Variants in EYS observed in about 807,000 individuals in gnomAD.
The protein encoded by EYS is EGF-like photoreceptor maintenance factor.
Under a neutral mutation model 282.1 loss-of-function variants are expected in EYS, and 250 were observed. That is an observed-to-expected ratio of 0.89 (90% CI 0.80 to 0.98). The LOEUF (loss-of-function observed/expected upper bound fraction) is 0.98. EYS is among the 50% of genes least tolerant of loss of function. The pLI, the probability that EYS is intolerant of heterozygous loss-of-function variation, is 0.00. For missense variants in EYS, 4,016 were observed against 3,709.0 expected (o/e 1.08, Z -2.15); for synonymous variants, 1,355 against 1,282.9 (o/e 1.06, Z -1.20).
chr6:64,945,981 A>T, intron 14 of EYS, 67 bp from the exon 15 acceptor site: 1 of 1,207,426 alleles, frequency 8.3e-7, no homozygotes. Context: ...TACAGATATT[A>T]CTCCTGGCCA....
intron 31 of EYS, among the ~76,000 whole-genome samples, chr6:64,225,511 A>G (rs1354590149): frequency 2.6e-5 from 4 of 152,160 alleles, no homozygotes; most frequent in African/African-American, 4.8e-5. Context: ...GAGAGATACA[A>G]TATGAGAAAA....
At chr6:65,467,031 A>C (rs1765027240) in intron 5 of EYS, among the ~76,000 whole-genome samples, 1 of 152,176 alleles carries the variant, frequency 6.6e-6, no homozygotes, top group African/African-American at 2.4e-5. Flanking sequence ...AAAGTAATTC[A>C]GGTTTTTGCC....
chr6:64,661,929 C>A (rs7454590), intron 22 of EYS, among the ~76,000 whole-genome samples: 91,165 of 145,028 alleles, frequency 0.63, 28,893 homozygotes, highest in African/African-American at 0.7. Flanking sequence ...AAGACACATG[C>A]ACACGTATGT....
At chr6:65,321,040 C>T (rs6455036) in intron 11 of EYS, among the ~76,000 whole-genome samples, 83,003 of 151,974 alleles carry the variant, frequency 0.55, 24,454 homozygotes, top group East Asian at 0.9. Context: ...ATATACTAAA[C>T]GCTAAACATT....
At chr6:65,295,285 G>A (rs1262164341) in intron 12 of EYS, among the ~76,000 whole-genome samples, 1 of 151,896 alleles carries the variant, frequency 6.6e-6, no homozygotes, top group African/African-American at 2.4e-5. Flanking sequence ...AAAAATGTCA[G>A]GTAATTAAAT....
At chr6:64,754,344 G>A (rs1375089675) in intron 22 of EYS, among the ~76,000 whole-genome samples, 2 of 151,702 alleles carry the variant, frequency 1.3e-5, no homozygotes, top group Non-Finnish European at 2.9e-5. Flanking sequence ...AATAGAATTA[G>A]TAATTTAAAC....
intron 19 of EYS, among the ~76,000 whole-genome samples, chr6:64,852,488 G>A (rs1765916365): frequency 6.6e-6 from 1 of 152,034 alleles, no homozygotes; most frequent in Admixed American, 6.6e-5. Context: ...AGCCTATTGT[G>A]GGACATTGTG....
intron 29 of EYS, among the ~76,000 whole-genome samples, chr6:64,361,690 A>AT (rs1004563854): frequency 3.2e-4 from 48 of 151,588 alleles, no homozygotes; most frequent in Non-Finnish European, 6.4e-4. Context: ...TAACAATTGC[A>AT]TTTTTTTTCT....
At chr6:64,258,312 A>C (rs1010779446) in intron 30 of EYS, among the ~76,000 whole-genome samples, 1 of 152,082 alleles carries the variant, frequency 6.6e-6, no homozygotes, top group Non-Finnish European at 1.5e-5. Flanking sequence ...GCAGTAGCAA[A>C]GTACAGAGCA....
intron 19 of EYS, among the ~76,000 whole-genome samples, chr6:64,864,287 T>G (rs1350329190): frequency 6.6e-6 from 1 of 151,512 alleles, no homozygotes; most frequent in East Asian, 1.9e-4. Context: ...TAGATTTATA[T>G]TAAAAGAGAG....
intron 22 of EYS, among the ~76,000 whole-genome samples, chr6:64,761,715 A>G (rs1472098101): frequency 1.3e-5 from 2 of 152,166 alleles, no homozygotes; most frequent in Non-Finnish European, 2.9e-5. Context: ...TCGGCCTCCC[A>G]AAGTGCTGGG....
Position 64,552,748 on chromosome 6 carries a change from A to T in EYS, c.5644+37475T>A, listed in dbSNP as rs189193678. On this transcript the variant is annotated intron_variant, in intron 26 of 42. Coordinates refer to ENST00000503581, the MANE Select transcript of EYS (RefSeq NM_001142800.2). ...GCCAACATGGTGAACCCCCCCCACC[A>T]TCTCTACTAAACATAAAAAAATTAG... is the stretch of plus-strand genomic sequence containing the variant. Among the ~76,000 whole-genome samples the T allele has an allele frequency of 1.6e-3, 227 of 141,590 alleles. 2 individuals carry two copies. The highest frequency in any genetic ancestry group is 5.6e-3 in the African/African-American group (210 of 37,632). 92.9% of individuals were successfully genotyped at this position (141,590 alleles called of 152,430 possible). A position where few individuals can be genotyped will look rare whatever the true frequency, so the allele number is the denominator to read the frequency against.
At chr6:64,525,138 C>G (rs770874426) in intron 26 of EYS, among the ~76,000 whole-genome samples, 6 of 151,728 alleles carry the variant, frequency 4.0e-5, no homozygotes, top group Non-Finnish European at 7.4e-5. Context: ...GAGCTAAAAG[C>G]AGAACCACTA....
At chr6:63,988,397 G>A (rs9362339) in intron 34 of EYS, among the ~76,000 whole-genome samples, 52,701 of 151,268 alleles carry the variant, frequency 0.35, 9,247 homozygotes, top group South Asian at 0.38. Context: ...AGTCTATAGA[G>A]CTATCAATGA....
intron 13 of EYS, among the ~76,000 whole-genome samples, chr6:65,041,925 C>G (rs1218820464): frequency 6.6e-6 from 1 of 151,688 alleles, no homozygotes; most frequent in Non-Finnish European, 1.5e-5. Context: ...TGGCACAAAA[C>G]TGTTTTATTT....
intron 33 of EYS, among the ~76,000 whole-genome samples, chr6:64,044,169 C>A (rs185084071): frequency 4.6e-5 from 7 of 152,260 alleles, no homozygotes; most frequent in African/African-American, 1.7e-4. Context: ...AATTTACTTC[C>A]TTTTTAAAAC....
chr6:64,076,533 T>C (rs1029490847), intron 32 of EYS, among the ~76,000 whole-genome samples: 1 of 151,878 alleles, frequency 6.6e-6, no homozygotes, highest in Admixed American at 6.6e-5. Flanking sequence ...ATGGGGGCAT[T>C]TTCCCTCATA....
intron 28 of EYS, among the ~76,000 whole-genome samples, chr6:64,424,736 G>C (rs941182169): frequency 1.5e-4 from 23 of 152,126 alleles, no homozygotes; most frequent in Non-Finnish European, 3.4e-4. Flanking sequence ...CCAGTTACAC[G>C]CTAGGTGCCA....
intron 15 of EYS, among the ~76,000 whole-genome samples, chr6:64,924,171 A>C (rs1426708439): frequency 1.3e-5 from 2 of 152,222 alleles, no homozygotes; most frequent in Admixed American, 6.5e-5. Context: ...CCCAAACCTC[A>C]GTTCTTGACT....
Sources: gnomAD v4.1 joint callset for allele counts (sites outside exome capture counted in the v4.1 genomes callset) on GRCh38, gnomAD v4.1.1 for gene constraint, MANE v1.5 for transcripts, NCBI Gene and HGNC (gene_info 2026-07-23, HGNC 2026-07-21) for gene names.